MAP4K5: variants seen among roughly 807,000 people sequenced by gnomAD.
MAP4K5 encodes the protein mitogen-activated protein kinase kinase kinase kinase 5.
MAP4K5 carries 82 observed loss-of-function variants against 135.6 expected under a neutral mutation model. The ratio of observed to expected loss-of-function variants is 0.60; its 90% confidence interval spans 0.51 to 0.73. The LOEUF (loss-of-function observed/expected upper bound fraction) is 0.73, where lower values mean the gene tolerates loss of function less well. Ranked by LOEUF, MAP4K5 falls within the 30% of genes least tolerant of loss-of-function variation. The probability of loss-of-function intolerance (pLI) is 0.00; values close to 1 mark genes in which losing one functional copy is unlikely to be tolerated. For synonymous variants in MAP4K5, 347 were observed against 335.0 expected, an observed-to-expected ratio of 1.04 and a Z score of -0.39; for missense variants, 907 against 1,010.9, an observed-to-expected ratio of 0.90 and a Z score of 1.39.
At chr14:50,550,451 T>A (rs948648183) in intron 1 of MAP4K5, among the ~76,000 whole-genome samples, 1 of 152,172 alleles carries the variant, frequency 6.6e-6, no homozygotes, top group Non-Finnish European at 1.5e-5. Context: ...CAGCCACCAG[T>A]CCTATTGTGG....
intron 1 of MAP4K5, chr14:50,560,164 C>G: frequency 7.0e-7 from 1 of 1,427,574 alleles, no homozygotes; most frequent in Non-Finnish European, 9.7e-7. Flanking sequence ...GCGAACTGCG[C>G]CCAGCGCGGG....
intron 12 of MAP4K5, among the ~76,000 whole-genome samples, 191 bp from the exon 13 acceptor site, chr14:50,462,972 C>A (rs1819873333): frequency 6.6e-6 from 1 of 151,854 alleles, no homozygotes; most frequent in African/African-American, 2.4e-5. Flanking sequence ...AACTGAAGAG[C>A]CTTTGTAGGG....
chr14:50,485,507 TA>T, intron 5 of MAP4K5, 70 bp downstream of exon 5: 11 of 971,946 alleles, frequency 1.1e-5, no homozygotes, highest in Non-Finnish European at 1.7e-5. Context: ...TTTCCGTGGT[TA>T]ACTGGAAATA....
At chr14:50,504,043 G>A (rs984959819) in intron 3 of MAP4K5, among the ~76,000 whole-genome samples, 9 of 152,046 alleles carry the variant, frequency 5.9e-5, no homozygotes, top group African/African-American at 1.9e-4. Context: ...TATTTTTAAA[G>A]TGTTCCAGCA....
intron 26 of MAP4K5, among the ~76,000 whole-genome samples, chr14:50,435,949 T>C (rs1388718066): frequency 1.3e-5 from 2 of 152,192 alleles, no homozygotes; most frequent in African/African-American, 2.4e-5. Flanking sequence ...CTTTTGTGCA[T>C]CACAGATCTT....
At chr14:50,523,906 T>C (rs1036123146) in intron 2 of MAP4K5, among the ~76,000 whole-genome samples, 1 of 152,214 alleles carries the variant, frequency 6.6e-6, no homozygotes, top group Non-Finnish European at 1.5e-5. Context: ...TTCATTAACA[T>C]GCCTCACTCT....
In MAP4K5 at chr14:50,456,551, T is replaced by C. The variant is rs929594053; in HGVS notation, c.980A>G (p.Asn327Ser). The C allele has an allele frequency of 5.7e-6, 9 of 1,580,776 alleles. No homozygotes were observed. The African/African-American group carries it at 1.1e-4, about 19-fold the overall frequency. Reference protein sequence around the residue: ...IRHTIRSTNRNARAERTASEI... With the variant: ...IRHTIRSTNRSARAERTASEI... Reference sequence around the variant, plus strand: ...TGAAGCTGTCCGTTCAGCTCTGGCATTCCTGTTTGTAGATCTAATGGTATG... The same window carrying C: ...TGAAGCTGTCCGTTCAGCTCTGGCACTCCTGTTTGTAGATCTAATGGTATG... The change falls in exon 14 of 33, where the codon AAT (asparagine) becomes AGT (serine). Residue 327 changes from asparagine to serine, a missense_variant. Coordinates refer to ENST00000682126, the MANE Select transcript of MAP4K5 (RefSeq NM_006575.6).
In MAP4K5 at chr14:50,424,836, T is replaced by C. The variant is rs1175724987; in HGVS notation, c.2397+1071A>G. On this transcript the variant is annotated intron_variant, in intron 31 of 32. Coordinates refer to ENST00000682126, the MANE Select transcript of MAP4K5 (RefSeq NM_006575.6). ...GGAGTGACATAATGAAAATAGCATTTAAGAATAATTAACCATATGATAATA... is the reference window on the plus strand; with the variant it reads ...GGAGTGACATAATGAAAATAGCATTCAAGAATAATTAACCATATGATAATA... Among the ~76,000 whole-genome samples the C allele has an allele frequency of 5.9e-5, 9 of 152,112 alleles. 1 individual carries two copies. Among genetic ancestry groups the C allele is most frequent in the Admixed American group, 5.9e-4 (9 of 15,268 alleles).
chr14:50,447,692 A>G (rs894495368), intron 15 of MAP4K5, among the ~76,000 whole-genome samples: 1 of 152,254 alleles, frequency 6.6e-6, no homozygotes, highest in African/African-American at 2.4e-5. Context: ...TTCCATAAAC[A>G]TACTAAAGGT....
At chr14:50,532,377 G>A in intron 1 of MAP4K5, 71 bp downstream of exon 1, 1 of 275,760 alleles carries the variant, frequency 3.6e-6, no homozygotes, top group South Asian at 6.5e-5. Context: ...CCCGCCAGCC[G>A]GGGCCCAGGG....
intron 6 of MAP4K5, among the ~76,000 whole-genome samples, chr14:50,479,256 T>A (rs2037182252): frequency 6.6e-6 from 1 of 151,978 alleles, no homozygotes; most frequent in Non-Finnish European, 1.5e-5. Context: ...ATATCCATAT[T>A]AGGCCACTTG....
At chr14:50,427,886 T>G (rs1251684011) in intron 30 of MAP4K5, among the ~76,000 whole-genome samples, 2 of 152,206 alleles carry the variant, frequency 1.3e-5, no homozygotes, top group African/African-American at 4.8e-5. Flanking sequence ...CCAAAAGCAG[T>G]AATATCAACA....
intron 30 of MAP4K5, among the ~76,000 whole-genome samples, chr14:50,427,235 G>A (rs2139634465): frequency 6.6e-6 from 1 of 152,284 alleles, no homozygotes; most frequent in East Asian, 1.9e-4. Context: ...AGGTATCAGT[G>A]TGTTTCAATG....
chr14:50,420,163 T>C, intron 32 of MAP4K5, 57 bp from the exon 33 acceptor site: 1 of 888,308 alleles, frequency 1.1e-6, no homozygotes, highest in Non-Finnish European at 1.9e-6. Flanking sequence ...ATACATCAAA[T>C]ACTAACATCA....
At chr14:50,498,053 T>C (rs1289286414) in intron 3 of MAP4K5, among the ~76,000 whole-genome samples, 3 of 152,162 alleles carry the variant, frequency 2.0e-5, no homozygotes, top group Admixed American at 1.3e-4. Context: ...CCCACAAACT[T>C]TGTTCCTGCT....
chr14:50,451,316 T>C (rs1289524515), intron 14 of MAP4K5, among the ~76,000 whole-genome samples: 1 of 151,878 alleles, frequency 6.6e-6, no homozygotes, highest in Non-Finnish European at 1.5e-5. Flanking sequence ...GTACAAAGCC[T>C]CCACGACCTG....
chr14:50,454,796 TTC>T (rs1310572269), intron 14 of MAP4K5, among the ~76,000 whole-genome samples: 3 of 151,988 alleles, frequency 2.0e-5, no homozygotes, highest in Admixed American at 6.6e-5. Flanking sequence ...CAATGAATTT[TTC>T]TGTTTTTTTT....
At chr14:50,430,460 A>G (rs1251666369) in intron 28 of MAP4K5, among the ~76,000 whole-genome samples, 1 of 152,182 alleles carries the variant, frequency 6.6e-6, no homozygotes, top group Non-Finnish European at 1.5e-5. Flanking sequence ...ACACAGACGC[A>G]TTCATTGTAT....
chr14:50,533,967 T>G (rs373126216), upstream of MAP4K5, among the ~76,000 whole-genome samples: 15 of 152,364 alleles, frequency 9.8e-5, no homozygotes, highest in East Asian at 2.9e-3. Context: ...CCTATGTGTT[T>G]GCTGCATTGA....
Sources: gnomAD v4.1 joint callset for allele counts (sites outside exome capture counted in the v4.1 genomes callset) on GRCh38, gnomAD v4.1.1 for gene constraint, MANE v1.5 for transcripts, NCBI Gene and HGNC (gene_info 2026-07-23, HGNC 2026-07-21) for gene names.